Variants in ADGRG7 observed in about 807,000 individuals in gnomAD.
ADGRG7 encodes the protein adhesion G protein-coupled receptor G7, also known as G-protein coupled receptor 128.
A neutral mutation model predicts 88.6 loss-of-function variants in ADGRG7; 82 were observed. The observed-to-expected ratio is 0.93, with a 90% CI of 0.77 to 1.11. The LOEUF is 1.11. Among genes scored for constraint, ADGRG7 ranks in the 50% most tolerant of loss-of-function variants. The pLI is 0.00. For synonymous variants in ADGRG7, 381 were observed against 345.2 expected, an observed-to-expected ratio of 1.10 and a Z score of -1.15; for missense variants, 945 against 953.4, an observed-to-expected ratio of 0.99 and a Z score of 0.12.
chr3:100,663,477 A>C (rs1576330715), intron 14 of ADGRG7, among the ~76,000 whole-genome samples: 1 of 152,020 alleles, frequency 6.6e-6, no homozygotes, highest in African/African-American at 2.4e-5. Context: ...TGGAATAAAG[A>C]TTCTTTTGCC....
In ADGRG7 at chr3:100,658,440, G is replaced by A. The variant is rs72620021; in HGVS notation, c.1824-1248G>A. ...GTTTTTAAAACTCAAGACAGATCACGTCATGTCTCTCCATCTTGTCTAGGG... is the reference window on the plus strand; with the variant it reads ...GTTTTTAAAACTCAAGACAGATCACATCATGTCTCTCCATCTTGTCTAGGG... On this transcript the variant is annotated intron_variant, in intron 13 of 15. Transcript: ENST00000273352. Among the ~76,000 whole-genome samples the A allele has an allele frequency of 0.02, 3,106 of 152,188 alleles. 316 individuals are homozygous for A. In the East Asian group the frequency reaches 0.35, roughly 17 times the overall value.
At chr3:100,682,174 G>A (rs1354132807) in intron 15 of ADGRG7, among the ~76,000 whole-genome samples, 3 of 152,070 alleles carry the variant, frequency 2.0e-5, no homozygotes, top group Non-Finnish European at 4.4e-5. Context: ...CCACCGCCCT[G>A]GGAACCCACC....
intron 13 of ADGRG7, among the ~76,000 whole-genome samples, chr3:100,657,252 C>T (rs144858428): frequency 6.6e-6 from 1 of 152,344 alleles, no homozygotes; most frequent in African/African-American, 2.4e-5. Context: ...TTCCACCCTA[C>T]ACACATGCCA....
chr3:100,647,919 T>A lies in ADGRG7; in HGVS notation c.1266+1195T>A, dbSNP rs73145140. On this transcript the variant is annotated intron_variant, in intron 10 of 15. Coordinates refer to ENST00000273352, the MANE Select transcript of ADGRG7 (RefSeq NM_032787.3). ...GAACATACTGGTATAGCTTGCATTA[T>A]CAAAGCACAGAACCTTGCTTTTTAA... 9.2e-4 allele frequency among the ~76,000 whole-genome samples: 140 copies of A among 152,320 alleles called. 1 individual carries two copies. In the Middle Eastern group the frequency reaches 0.017, roughly 19 times the overall value.
intron 11 of ADGRG7, among the ~76,000 whole-genome samples, chr3:100,652,618 CAA>C (rs1559680619): frequency 6.6e-6 from 1 of 151,928 alleles, no homozygotes; most frequent in Non-Finnish European, 1.5e-5. Flanking sequence ...AATACATGTA[CAA>C]AAAAGAATAT....
At chr3:100,657,383 T>C (rs983496966) in intron 13 of ADGRG7, among the ~76,000 whole-genome samples, 11 of 152,206 alleles carry the variant, frequency 7.2e-5, no homozygotes, top group African/African-American at 2.4e-4. Flanking sequence ...TGCTCCCAGT[T>C]CTGCCAATCA....
intron 13 of ADGRG7, 124 bp downstream of exon 13, chr3:100,656,119 C>T: frequency 1.9e-6 from 1 of 529,486 alleles, no homozygotes; most frequent in Admixed American, 2.8e-5. Context: ...TAGTGGTAGA[C>T]ATTTGAAATT....
chr3:100,611,055 G>A (rs1402154282), intron 1 of ADGRG7, among the ~76,000 whole-genome samples: 1 of 152,172 alleles, frequency 6.6e-6, no homozygotes, highest in Non-Finnish European at 1.5e-5. Flanking sequence ...GAACTAGAAT[G>A]AGAAAATTTA....
At chr3:100,672,749 GAGA>G (rs1373790542) in intron 15 of ADGRG7, among the ~76,000 whole-genome samples, 6 of 152,096 alleles carry the variant, frequency 3.9e-5, no homozygotes, top group African/African-American at 1.4e-4. Flanking sequence ...CTAGTTTATT[GAGA>G]AGTTTTAGCA....
chr3:100,680,817 C>T (rs2149039766), intron 15 of ADGRG7, among the ~76,000 whole-genome samples: 1 of 152,174 alleles, frequency 6.6e-6, no homozygotes, highest in South Asian at 2.1e-4. Context: ...ATGCAATGTT[C>T]TTATTTTTGC....
In ADGRG7 at chr3:100,645,959, T is replaced by G; in HGVS notation, c.961T>G (p.Cys321Gly). 6.2e-7 allele frequency: 1 copy of G among 1,613,760 alleles called. No homozygotes were observed. The highest frequency in any genetic ancestry group is 8.5e-7 in the Non-Finnish European group (1 of 1,179,914). Residue 321 changes from cysteine to glycine, a missense_variant, in exon 9 of 16, where the codon TGC becomes GGC. Physicochemically the swap from Cys to Gly is radical, Grantham distance 159. Transcript: ENST00000273352. Reference protein sequence around the residue: ...LNMTKNYTKTCGFVVYQNDKL... With the variant: ...LNMTKNYTKTGGFVVYQNDKL... ...TCTCCCTATAGATTACACCAAGACA[T>G]GCGGCTTTGTAGTTTATCAAAATGA...
chr3:100,692,934 C>A (rs925935933), intron 15 of ADGRG7, among the ~76,000 whole-genome samples: 3 of 152,130 alleles, frequency 2.0e-5, no homozygotes, highest in African/African-American at 7.2e-5. Context: ...GTAGGAATAT[C>A]TAGATTTGTT....
chr3:100,611,822 G>T (rs902214880), intron 1 of ADGRG7, among the ~76,000 whole-genome samples: 8 of 152,120 alleles, frequency 5.3e-5, no homozygotes, highest in Admixed American at 4.6e-4. Flanking sequence ...TATTGAGAGT[G>T]CATTTGAGTT....
At position 100,643,233 on chromosome 3, in the gene ADGRG7, C is replaced by A. The variant is rs1172761405; in HGVS notation, c.699-33C>A. ...CATACCTTTCATTTTATGACAAAAT[C>A]TTGAGTATTAAATTGTGTTTTATTA... is the stretch of plus-strand genomic sequence containing the variant. On this transcript the variant is annotated intron_variant, in intron 6 of 15. Coordinates refer to ENST00000273352, the MANE Select transcript of ADGRG7 (RefSeq NM_032787.3). The A allele has an allele frequency of 4.4e-6, 7 of 1,591,758 alleles. No individual in the cohort carries two copies. In the East Asian group the frequency reaches 1.6e-4, roughly 36 times the overall value.
intron 15 of ADGRG7, among the ~76,000 whole-genome samples, chr3:100,680,351 A>G (rs2094971357): frequency 6.6e-6 from 1 of 152,144 alleles, no homozygotes; most frequent in Non-Finnish European, 1.5e-5. Context: ...TTGTGCCTTT[A>G]TATTTTAAGT....
intron 1 of ADGRG7, among the ~76,000 whole-genome samples, chr3:100,626,910 G>A (rs1461894606): frequency 6.6e-6 from 1 of 152,130 alleles, no homozygotes; most frequent in African/African-American, 2.4e-5. Context: ...TATTTCAATT[G>A]TTTGTTGCTA....
chr3:100,666,708 A>C (rs2094952309), intron 14 of ADGRG7, among the ~76,000 whole-genome samples: 1 of 151,996 alleles, frequency 6.6e-6, no homozygotes, highest in South Asian at 2.1e-4. Flanking sequence ...AGGCTGGGGG[A>C]CGGTCAGGTC....
chr3:100,656,047 G>T, intron 13 of ADGRG7, 52 bp downstream of exon 13: 1 of 1,098,902 alleles, frequency 9.1e-7, no homozygotes, highest in Admixed American at 1.7e-5. Context: ...AAGTGTAACT[G>T]TTCAGTGATA....
chr3:100,624,594 T>C (rs1202946671), intron 1 of ADGRG7, among the ~76,000 whole-genome samples: 1 of 152,182 alleles, frequency 6.6e-6, no homozygotes, highest in Non-Finnish European at 1.5e-5. Context: ...GGTGTTTTCA[T>C]CATGAAGTCT....
Sources: gnomAD v4.1 joint callset for allele counts (sites outside exome capture counted in the v4.1 genomes callset) on GRCh38, gnomAD v4.1.1 for gene constraint, MANE v1.5 for transcripts, NCBI Gene and HGNC (gene_info 2026-07-23, HGNC 2026-07-21) for gene names.